CADPS2: variants seen among roughly 807,000 people sequenced by gnomAD.
The protein encoded by CADPS2 is calcium-dependent secretion activator 2.
A neutral mutation model predicts 172.5 loss-of-function variants in CADPS2; 93 were observed. The ratio of observed to expected loss-of-function variants is 0.54; its 90% CI spans 0.46 to 0.64. CADPS2 has a LOEUF of 0.64. Ranked by LOEUF, CADPS2 falls within the 30% of genes least tolerant of loss-of-function variation. The pLI, the probability that CADPS2 is intolerant of heterozygous loss-of-function variation, is 0.00. For synonymous variants in CADPS2, 546 were observed against 555.2 expected (o/e 0.98, Z 0.23); for missense variants, 1,420 against 1,565.9 (o/e 0.91, Z 1.57).
chr7:122,736,104 A>G (rs887339266), intron 2 of CADPS2, among the ~76,000 whole-genome samples: 3 of 152,296 alleles, frequency 2.0e-5, no homozygotes, highest in African/African-American at 4.8e-5. Context: ...AAACTTCTCT[A>G]GAGTTGCATT....
chr7:122,711,953 G>GT (rs1355633606), intron 2 of CADPS2, among the ~76,000 whole-genome samples: 1 of 151,986 alleles, frequency 6.6e-6, no homozygotes, highest in Admixed American at 6.6e-5. Flanking sequence ...GTCCAGCCAT[G>GT]TTTTTTATTT....
At chr7:122,729,492 A>G (rs753369793) in intron 2 of CADPS2, among the ~76,000 whole-genome samples, 2 of 151,796 alleles carry the variant, frequency 1.3e-5, no homozygotes, top group Non-Finnish European at 2.9e-5. Context: ...CCAACAGTAT[A>G]TAGGAAATCC....
intron 1 of CADPS2, among the ~76,000 whole-genome samples, chr7:122,864,852 C>G (rs1817877555): frequency 6.6e-6 from 1 of 152,204 alleles, no homozygotes; most frequent in Non-Finnish European, 1.5e-5. Context: ...TCCTACCACA[C>G]TGACATTGAC....
intron 2 of CADPS2, among the ~76,000 whole-genome samples, chr7:122,735,303 G>C (rs193277951): frequency 2.0e-5 from 3 of 152,042 alleles, no homozygotes; most frequent in East Asian, 3.9e-4. Context: ...ACCATAAACC[G>C]AATCTGTCTA....
chr7:122,610,930 T>C (rs928348172), intron 6 of CADPS2, among the ~76,000 whole-genome samples: 9 of 152,182 alleles, frequency 5.9e-5, no homozygotes, highest in African/African-American at 1.9e-4. Context: ...GACCTGGGGC[T>C]TGTATTCCCT....
chr7:122,506,727 T>TAAAA (rs5887092), intron 9 of CADPS2, among the ~76,000 whole-genome samples: 2 of 142,034 alleles, frequency 1.4e-5, no homozygotes, highest in Admixed American at 7.0e-5. Flanking sequence ...TAGAGTTATT[T>TAAAA]AAAAAAAAAA....
chr7:122,739,400 C>T (rs2092355644), intron 1 of CADPS2, among the ~76,000 whole-genome samples: 1 of 152,112 alleles, frequency 6.6e-6, no homozygotes, highest in Non-Finnish European at 1.5e-5. Flanking sequence ...TTCTAAACTA[C>T]AATATTTGCA....
chr7:122,685,678 C>T (rs554729997), intron 2 of CADPS2, among the ~76,000 whole-genome samples: 2 of 152,306 alleles, frequency 1.3e-5, no homozygotes, highest in African/African-American at 2.4e-5. Context: ...CTTATAACTA[C>T]GTAGCACATG....
At chr7:122,645,461 A>ATG (rs1442873118) in intron 3 of CADPS2, among the ~76,000 whole-genome samples, 2 of 69,024 alleles carry the variant, frequency 2.9e-5, no homozygotes, top group African/African-American at 8.3e-5. Flanking sequence ...ATATGTATAT[A>ATG]TGTGTATATA....
At chr7:122,692,427 C>T (rs1044561603) in intron 2 of CADPS2, among the ~76,000 whole-genome samples, 4 of 152,206 alleles carry the variant, frequency 2.6e-5, no homozygotes, top group East Asian at 1.9e-4. Flanking sequence ...CAGTTACAAA[C>T]GCCCATGTGA....
chr7:122,540,684 A>G (rs2062820224), intron 8 of CADPS2, among the ~76,000 whole-genome samples: 3 of 152,140 alleles, frequency 2.0e-5, no homozygotes, highest in African/African-American at 7.2e-5. Flanking sequence ...TTACCATGGG[A>G]AACATTAAAG....
At chr7:122,474,574 A>T in intron 12 of CADPS2, 57 bp from the exon 13 acceptor site, 1 of 1,537,640 alleles carries the variant, frequency 6.5e-7, no homozygotes, top group South Asian at 1.2e-5. Flanking sequence ...AATGATGGAC[A>T]TACAAGTTGT....
At chr7:122,865,657 T>A (rs1818117977) in intron 1 of CADPS2, among the ~76,000 whole-genome samples, 1 of 152,220 alleles carries the variant, frequency 6.6e-6, no homozygotes, top group African/African-American at 2.4e-5. Flanking sequence ...ACAAAGCTGG[T>A]GTTTCCCACA....
At chr7:122,349,668 C>T (rs798680) in intron 27 of CADPS2, among the ~76,000 whole-genome samples, 118,234 of 152,096 alleles carry the variant, frequency 0.78, 46,215 homozygotes, top group East Asian at 1. Flanking sequence ...AGTGAGTGAA[C>T]GAATTTAAGA....
chr7:122,800,223 A>G (rs1002326636), intron 1 of CADPS2, among the ~76,000 whole-genome samples: 2 of 152,234 alleles, frequency 1.3e-5, no homozygotes, highest in African/African-American at 2.4e-5. Flanking sequence ...TTATTGGTTC[A>G]CAATATAAAA....
intron 3 of CADPS2, among the ~76,000 whole-genome samples, chr7:122,629,665 GGTGAGATGCTAAT>G (rs2076395711): frequency 6.6e-6 from 1 of 151,998 alleles, no homozygotes; most frequent in Non-Finnish European, 1.5e-5. Context: ...ATTTCTGGAG[GGTGAGATGCTAAT>G]GTTTCACTTC....
At chr7:122,593,705 C>A (rs2071277288) in intron 6 of CADPS2, among the ~76,000 whole-genome samples, 1 of 151,340 alleles carries the variant, frequency 6.6e-6, no homozygotes, top group South Asian at 2.1e-4. Context: ...AAAATGGTGA[C>A]ACTAAAATCC....
At chr7:122,842,116 G>A (rs560202131) in intron 1 of CADPS2, among the ~76,000 whole-genome samples, 72 of 152,272 alleles carry the variant, frequency 4.7e-4, no homozygotes, top group Non-Finnish European at 7.9e-4. Context: ...GCTTTATGGG[G>A]AGCATGAGCT....
chr7:122,675,679 C>T (rs899208411), intron 2 of CADPS2, among the ~76,000 whole-genome samples: 7 of 152,024 alleles, frequency 4.6e-5, no homozygotes, highest in South Asian at 4.1e-4. Context: ...GGAATGTGGA[C>T]GAAGCTGGAA....
Sources: allele counts gnomAD v4.1 joint callset (sites outside exome capture counted in the v4.1 genomes callset), GRCh38; gene constraint gnomAD v4.1.1; transcripts MANE v1.5; gene names NCBI Gene and HGNC (gene_info 2026-07-23, HGNC 2026-07-21).